Variants in ATP2B1 observed in about 807,000 individuals in gnomAD.
ATP2B1 encodes the protein ATPase plasma membrane Ca2+ transporting 1, also known as plasma membrane calcium-transporting ATPase 1.
Under a neutral mutation model 124.2 loss-of-function variants are expected in ATP2B1, and 14 were observed. The ratio of observed to expected loss-of-function variants is 0.11; its 90% CI spans 0.07 to 0.18. The LOEUF (loss-of-function observed/expected upper bound fraction) is 0.18. Ranked by LOEUF, ATP2B1 falls within the 10% of genes least tolerant of loss-of-function variation. The pLI, the probability that ATP2B1 is intolerant of heterozygous loss-of-function variation, is 1.00. For synonymous variants in ATP2B1, 449 were observed against 492.4 expected (o/e 0.91, Z 1.17); for missense variants, 763 against 1,466.1 (o/e 0.52, Z 7.83).
At chr12:89,629,413 G>A (rs1418357124) in intron 6 of ATP2B1, among the ~76,000 whole-genome samples, 3 of 152,136 alleles carry the variant, frequency 2.0e-5, no homozygotes, top group Non-Finnish European at 2.9e-5. Context: ...TTTTCAAACT[G>A]CGTTCTACTC....
rs1331903509 is a variant in ATP2B1 at position 89,626,579 on chromosome 12, G to T, written c.1004C>A (p.Pro335Gln). ...ATCTCCACCTTCTTCACTCTTCAAT[G>T]GCTGCATTTCCATGGCTGCACCATC... ...AQDGAAMEMQPLKSEEGGDGD... is the reference protein window; with the variant it reads ...AQDGAAMEMQQLKSEEGGDGD... The change falls in exon 8 of 21, where the codon CCA becomes CAA. Residue 335 changes from proline (P) to glutamine (Q), a missense_variant. Pro to Gln is a moderately conservative substitution (Grantham distance 76). Coordinates refer to ENST00000428670, the MANE Select transcript of ATP2B1 (RefSeq NM_001366521.1). The T allele has an allele frequency of 6.2e-7, 1 of 1,611,398 alleles. No homozygotes were observed. The highest frequency in any genetic ancestry group is 1.3e-5 in the African/African-American group (1 of 74,570).
rs568480117 is a variant in ATP2B1 at position 89,700,150 on chromosome 12, G to A, written c.-222+8446C>T. 1.8e-4 allele frequency among the ~76,000 whole-genome samples: 27 copies of A among 151,918 alleles called. No homozygotes were observed. The East Asian group carries it at 4.3e-3, about 24-fold the overall frequency. Reference sequence around the variant, plus strand: ...ATTACAGGCAGGAGCCACTGCGCTCGGCCAAAGACAGGGTAACATAAACTT... The same window carrying A: ...ATTACAGGCAGGAGCCACTGCGCTCAGCCAAAGACAGGGTAACATAAACTT... On this transcript the variant is annotated intron_variant, in intron 1 of 20. Coordinates refer to ENST00000428670, the MANE Select transcript of ATP2B1 (RefSeq NM_001366521.1).
chr12:89,590,270 GTT>G lies in ATP2B1; in HGVS notation c.*712_*713del, dbSNP rs934915797. On this transcript the variant is annotated 3_prime_UTR_variant, in exon 21 of 21. Transcript: ENST00000428670. ...ACTTCATTAGAACACCACTGCTCAT[GTT>G]TTTTTGTTTTGTTTTGTTTTTTTCG... 6.6e-6 allele frequency: 1 copy of G among 152,210 alleles called. No homozygotes were observed. The highest frequency in any genetic ancestry group is 1.5e-5 in the Non-Finnish European group (1 of 67,906). 9.4% of individuals were successfully genotyped at this position (152,210 alleles called of 1,614,324 possible).
intron 1 of ATP2B1, among the ~76,000 whole-genome samples, chr12:89,690,510 G>C (rs1196819080): frequency 6.6e-6 from 1 of 151,500 alleles, no homozygotes; most frequent in Non-Finnish European, 1.5e-5. Flanking sequence ...AATCAACTCA[G>C]AATGTCAACA....
intron 2 of ATP2B1, among the ~76,000 whole-genome samples, chr12:89,647,215 A>G (rs1462520873): frequency 6.6e-6 from 1 of 152,240 alleles, no homozygotes; most frequent in East Asian, 1.9e-4. Flanking sequence ...GGCCAAGGTC[A>G]TGCATGGAAT....
At chr12:89,592,622 A>C (rs1565790347) in intron 20 of ATP2B1, among the ~76,000 whole-genome samples, 1 of 152,038 alleles carries the variant, frequency 6.6e-6, no homozygotes, top group Admixed American at 6.6e-5. Context: ...ACAAAAGCAA[A>C]ATGTCTGGGT....
chr12:89,641,354 C>T (rs1008594168), intron 3 of ATP2B1, among the ~76,000 whole-genome samples: 20 of 152,034 alleles, frequency 1.3e-4, no homozygotes, highest in Non-Finnish European at 2.9e-4. Flanking sequence ...GTTGAGTATC[C>T]CTTTTCTGAA....
chr12:89,619,960 A>G, intron 11 of ATP2B1, 39 bp downstream of exon 11: 1 of 1,607,036 alleles, frequency 6.2e-7, no homozygotes, highest in Non-Finnish European at 8.5e-7. Context: ...TAAAGCAACT[A>G]TAGTCAGCAA....
chr12:89,598,039 C>CAAAAAAAAAAAAAAAAAAAA (rs10661138), intron 20 of ATP2B1, among the ~76,000 whole-genome samples: 2 of 60,526 alleles, frequency 3.3e-5, no homozygotes, highest in African/African-American at 7.0e-5. Context: ...CACAACCAAG[C>CAAAAAAAAAAAAAAAAAAAA]AAAAAAAAAA....
At chr12:89,623,825 T>A (rs1377352640) in intron 9 of ATP2B1, among the ~76,000 whole-genome samples, 4 of 152,244 alleles carry the variant, frequency 2.6e-5, no homozygotes, top group African/African-American at 9.6e-5. Context: ...ACTTTTTTTT[T>A]AATTTTTAGA....
intron 1 of ATP2B1, among the ~76,000 whole-genome samples, chr12:89,676,713 A>G (rs1200889647): frequency 1.3e-5 from 2 of 152,158 alleles, no homozygotes; most frequent in African/African-American, 4.8e-5. Flanking sequence ...CTTTTACTTA[A>G]CTGAGTATAA....
At chr12:89,662,905 G>A (rs1440007465) in intron 1 of ATP2B1, among the ~76,000 whole-genome samples, 2 of 151,828 alleles carry the variant, frequency 1.3e-5, no homozygotes, top group African/African-American at 2.4e-5. Flanking sequence ...TCTCAGGGTG[G>A]GAAACAACTA....
chr12:89,631,089 T>C (rs2854379), intron 5 of ATP2B1, among the ~76,000 whole-genome samples: 116,758 of 151,942 alleles, frequency 0.77, 45,172 homozygotes, highest in East Asian at 0.97. Flanking sequence ...ATACATTTAG[T>C]AAGACATTAA....
At chr12:89,645,414 T>C (rs1229519984) in intron 2 of ATP2B1, among the ~76,000 whole-genome samples, 5 of 152,188 alleles carry the variant, frequency 3.3e-5, no homozygotes, top group Admixed American at 2.6e-4. Flanking sequence ...GAGGAGTCAG[T>C]GTGAACAAGA....
chr12:89,707,741 G>GTGAA (rs1892650778), intron 1 of ATP2B1, among the ~76,000 whole-genome samples: 3 of 152,268 alleles, frequency 2.0e-5, no homozygotes, highest in African/African-American at 4.8e-5. Context: ...CAGAAAACTG[G>GTGAA]TGAATGAAAT....
At chr12:89,627,802 T>C in intron 6 of ATP2B1, 86 bp from the exon 7 acceptor site, 2 of 1,383,902 alleles carry the variant, frequency 1.4e-6, no homozygotes, top group South Asian at 2.4e-5. Flanking sequence ...CACATTTCTA[T>C]AACAGTTGTT....
At chr12:89,600,220 T>C (rs1404657251) in intron 19 of ATP2B1, among the ~76,000 whole-genome samples, 2 of 152,278 alleles carry the variant, frequency 1.3e-5, no homozygotes, top group South Asian at 2.1e-4. Flanking sequence ...GACACAAAGA[T>C]GTAAAGATTG....
At position 89,603,498 on chromosome 12, in the gene ATP2B1, C is replaced by T. The variant is rs1244835156; in HGVS notation, c.2848+214G>A. On this transcript the variant is annotated intron_variant, in intron 17 of 20. Coordinates refer to ENST00000428670, the MANE Select transcript of ATP2B1 (RefSeq NM_001366521.1). This position sits in a 1 kb window ranked among gnomAD's most constrained non-coding sequence, Gnocchi z 4.3. ...AAATTAGTGGAGAGCCAGGGTAAGA[C>T]ATCAGGACTGTTTATTCTCCTGTTT... The T allele has an allele frequency of 3.1e-6, 2 of 637,938 alleles. No homozygotes were observed. Among genetic ancestry groups the T allele is most frequent in the East Asian group, 5.5e-5 (2 of 36,502 alleles). 39.5% of individuals were successfully genotyped at this position (637,938 alleles called of 1,614,324 possible).
At chr12:89,664,149 G>A (rs1887023441) in intron 1 of ATP2B1, among the ~76,000 whole-genome samples, 1 of 152,078 alleles carries the variant, frequency 6.6e-6, no homozygotes. Context: ...AAACCACCCA[G>A]GTTTTCTTAT....
Sources: allele counts gnomAD v4.1 joint callset (sites outside exome capture counted in the v4.1 genomes callset), GRCh38; gene constraint gnomAD v4.1.1; non-coding constraint Gnocchi (gnomAD v3.1); transcripts MANE v1.5; gene names NCBI Gene and HGNC (gene_info 2026-07-23, HGNC 2026-07-21).